Variants in PARP8 observed in about 807,000 individuals in gnomAD.
PARP8 encodes the protein protein mono-ADP-ribosyltransferase PARP8.
In PARP8, 51 loss-of-function variants were observed where a neutral mutation model predicts 124.1. The ratio of observed to expected loss-of-function variants is 0.41; its 90% CI spans 0.33 to 0.52. The LOEUF (loss-of-function observed/expected upper bound fraction) is 0.52. PARP8 is among the 20% of genes least tolerant of loss of function. The pLI is 0.21. For synonymous variants in PARP8, 391 were observed against 361.5 expected (o/e 1.08, Z -0.93); for missense variants, 860 against 1,018.9 (o/e 0.84, Z 2.12).
Position 50,789,357 on chromosome 5 carries a change from T to C in PARP8, c.737+768T>C, listed in dbSNP as rs371982318. ...CACTGATAAATTACAGACACAAGAA[T>C]TGGCTCTCAAATTTTTCTAAAATCA... On this transcript the variant is annotated intron_variant, in intron 10 of 25. Coordinates refer to ENST00000281631, the MANE Select transcript of PARP8 (RefSeq NM_024615.4). Among the ~76,000 whole-genome samples the C allele has an allele frequency of 1.8e-4, 28 of 152,286 alleles. No individual in the cohort carries two copies. In the East Asian group the frequency reaches 3.3e-3, roughly 18 times the overall value.
At chr5:50,762,646 G>A (rs1760665680) in intron 6 of PARP8, among the ~76,000 whole-genome samples, 1 of 152,120 alleles carries the variant, frequency 6.6e-6, no homozygotes, top group South Asian at 2.1e-4. Flanking sequence ...TGAAAAATTA[G>A]CAATTTGTCA....
intron 2 of PARP8, among the ~76,000 whole-genome samples, chr5:50,724,739 G>GT (rs200431549): frequency 1.0e-3 from 155 of 150,410 alleles, no homozygotes; most frequent in Middle Eastern, 3.4e-3. Context: ...GGTACAAGTG[G>GT]TTTTTTTTTG....
At chr5:50,668,905 A>G (rs1313091145) in intron 2 of PARP8, 1 of 152,254 alleles carries the variant, frequency 6.6e-6, no homozygotes, top group African/African-American at 2.4e-5. Context: ...GATTTAGCTT[A>G]GAGGGAATTC....
At position 50,837,017 on chromosome 5, in the gene PARP8, T is replaced by A. The variant is rs562332801; in HGVS notation, c.2462+2002T>A. Among the ~76,000 whole-genome samples the A allele has an allele frequency of 1.3e-3, 202 of 152,336 alleles. 1 individual carries two copies. Among genetic ancestry groups the A allele is most frequent in the African/African-American group, 4.8e-3 (200 of 41,590 alleles). ...GCAGTACCATTTTTAGTATTATTTCTTTTGAACTTTTAGATAAATTATACA... is the reference window on the plus strand; with the variant it reads ...GCAGTACCATTTTTAGTATTATTTCATTTGAACTTTTAGATAAATTATACA... On this transcript the variant is annotated intron_variant, in intron 25 of 25. Coordinates refer to ENST00000281631, the MANE Select transcript of PARP8 (RefSeq NM_024615.4).
At chr5:50,684,237 C>T (rs768444460) in intron 2 of PARP8, among the ~76,000 whole-genome samples, 6 of 152,044 alleles carry the variant, frequency 3.9e-5, no homozygotes, top group Non-Finnish European at 8.8e-5. Context: ...TCTAAATTAG[C>T]ATAGAAAAGA....
chr5:50,747,327 T>C (rs558809027), intron 2 of PARP8, among the ~76,000 whole-genome samples: 1 of 152,218 alleles, frequency 6.6e-6, no homozygotes, highest in Admixed American at 6.5e-5. Flanking sequence ...TGCTGACTCA[T>C]GTTCATCCAT....
At chr5:50,734,276 A>T (rs1351401333) in intron 2 of PARP8, among the ~76,000 whole-genome samples, 2 of 152,184 alleles carry the variant, frequency 1.3e-5, no homozygotes, top group Non-Finnish European at 2.9e-5. Context: ...GGGAAATCTC[A>T]TGAAGGAAAT....
At chr5:50,681,683 T>TTCCAACCTG (rs1424160465) in intron 2 of PARP8, among the ~76,000 whole-genome samples, 1 of 152,150 alleles carries the variant, frequency 6.6e-6, no homozygotes, top group African/African-American at 2.4e-5. Flanking sequence ...ACAGGGTTTC[T>TTCCAACCTG]TCCAACCTGA....
Position 50,788,587 on chromosome 5 carries a change from A to G in PARP8, c.735A>G (p.Lys245=). 1.2e-6 allele frequency: 2 copies of G among 1,611,612 alleles called. No individual in the cohort carries two copies. Among genetic ancestry groups the G allele is most frequent in the East Asian group, 4.5e-5 (2 of 44,806 alleles). ...KERFGLGHQL[K]KIMQTFVTQQ... ...GATTTGGATTGGGACATCAGCTGAA[A>G]AAGTAAGTTTGCTAAAGTGCAAAAA... The change falls in exon 10 of 26, where the codon AAA becomes AAG. Residue 245 remains lysine (K), a splice_region_variant and synonymous_variant. Transcript: ENST00000281631.
At chr5:50,824,292 C>T (rs1746095718) in intron 17 of PARP8, among the ~76,000 whole-genome samples, 1 of 152,138 alleles carries the variant, frequency 6.6e-6, no homozygotes, top group Non-Finnish European at 1.5e-5. Flanking sequence ...AGAAACTTTA[C>T]AGGACACTTG....
intron 1 of PARP8, chr5:50,667,869 G>A: frequency 1.4e-6 from 2 of 1,452,000 alleles, no homozygotes; most frequent in Non-Finnish European, 1.8e-6. Context: ...CACTTGTTGC[G>A]GGGGGCGGCC....
intron 16 of PARP8, 135 bp from the exon 17 acceptor site, chr5:50,822,200 C>A (rs2149702808): frequency 1.5e-6 from 1 of 687,894 alleles, no homozygotes; most frequent in Non-Finnish European, 2.6e-6. Flanking sequence ...TTATGTACAC[C>A]AAACAGTCAT....
chr5:50,717,568 T>G (rs1018431255), intron 2 of PARP8, among the ~76,000 whole-genome samples: 1 of 151,594 alleles, frequency 6.6e-6, no homozygotes, highest in African/African-American at 2.4e-5. Context: ...AGCCCAAGAG[T>G]AGATGATACA....
chr5:50,794,474 C>T (rs949682931), intron 11 of PARP8, 142 bp downstream of exon 11: 32 of 871,360 alleles, frequency 3.7e-5, no homozygotes, highest in Non-Finnish European at 5.1e-5. Context: ...AGATGCATTC[C>T]ATCAAAAACA....
intron 16 of PARP8, 140 bp downstream of exon 16, chr5:50,821,478 C>A: frequency 2.0e-6 from 2 of 976,230 alleles, no homozygotes; most frequent in East Asian, 2.6e-5. Context: ...TTAATTTCAT[C>A]ATATATTTTT....
chr5:50,731,097 TGGCTCTGCTTC>T (rs1305222606), intron 2 of PARP8, among the ~76,000 whole-genome samples: 1 of 152,234 alleles, frequency 6.6e-6, no homozygotes, highest in Non-Finnish European at 1.5e-5. Context: ...TCAGAAAACC[TGGCTCTGCTTC>T]TGGTTCCGCA....
intron 15 of PARP8, among the ~76,000 whole-genome samples, chr5:50,818,605 C>G (rs372694983): frequency 2.9e-4 from 44 of 152,068 alleles, no homozygotes; most frequent in African/African-American, 9.6e-4. Context: ...TCTTGAACTC[C>G]TGGGCTCAAG....
intron 2 of PARP8, among the ~76,000 whole-genome samples, chr5:50,737,609 T>C (rs933861563): frequency 2.0e-5 from 3 of 152,218 alleles, no homozygotes; most frequent in African/African-American, 4.8e-5. Context: ...ATAGCCACAA[T>C]TGAATGTCCC....
At chr5:50,667,823 C>A (rs111349294) in intron 1 of PARP8, 7 of 1,171,754 alleles carry the variant, frequency 6.0e-6, no homozygotes, top group Admixed American at 4.1e-5. Context: ...CCGGCCTCCC[C>A]TATCGGGAAA....
Sources: allele counts gnomAD v4.1 joint callset (sites outside exome capture counted in the v4.1 genomes callset), GRCh38; gene constraint gnomAD v4.1.1; transcripts MANE v1.5; gene names NCBI Gene and HGNC (gene_info 2026-07-23, HGNC 2026-07-21).